The following CTNNA2 variants were observed in gnomAD, a reference collection of about 807,000 sequenced individuals.
The protein encoded by CTNNA2 is catenin alpha-2.
A neutral mutation model predicts 101.0 loss-of-function variants in CTNNA2; 42 were observed. The ratio of observed to expected loss-of-function variants is 0.42; its 90% confidence interval spans 0.32 to 0.54. CTNNA2 has a LOEUF of 0.54. CTNNA2 is among the 20% of genes least tolerant of loss of function. The pLI is 0.14. For missense variants in CTNNA2, 871 were observed against 1,223.1 expected, an observed-to-expected ratio of 0.71 and a Z score of 4.29; for synonymous variants, 450 against 456.4, an observed-to-expected ratio of 0.99 and a Z score of 0.18.
intron 4 of CTNNA2, among the ~76,000 whole-genome samples, chr2:79,398,299 G>T (rs1280382492): frequency 6.6e-6 from 1 of 151,998 alleles, no homozygotes; most frequent in African/African-American, 2.4e-5. Context: ...AATAACCTTT[G>T]ACTCCCAACA....
intron 4 of CTNNA2, among the ~76,000 whole-genome samples, chr2:79,471,870 G>T (rs2250249): frequency 6.6e-6 from 1 of 151,606 alleles, no homozygotes; most frequent in African/African-American, 2.4e-5. Context: ...TAACATATCA[G>T]TTGTGGGGAG....
intron 4 of CTNNA2, among the ~76,000 whole-genome samples, chr2:79,374,490 G>A (rs1362849002): frequency 6.9e-6 from 1 of 145,050 alleles, no homozygotes; most frequent in Admixed American, 7.1e-5. Flanking sequence ...AGTTTCCTGG[G>A]AATAAGCATC....
intron 3 of CTNNA2, among the ~76,000 whole-genome samples, chr2:79,819,569 A>G (rs183532256): frequency 3.3e-5 from 5 of 152,356 alleles, no homozygotes; most frequent in Non-Finnish European, 7.3e-5. Context: ...TAAGAATATA[A>G]GACTATAAGA....
chr2:79,541,340 TATATAC>T lies in CTNNA2; in HGVS notation c.-6+28135_-6+28140del, dbSNP rs1351369580. ...CACACAGATATCCTATATATATATA[TATATAC>T]ACACACACAATGTTTACACATATGT... is the stretch of plus-strand genomic sequence containing the variant. On this transcript the variant is annotated intron_variant, in intron 1 of 18. Transcript: ENST00000402739. 2.7e-5 allele frequency among the ~76,000 whole-genome samples: 4 copies of T among 149,992 alleles called. No homozygotes were observed. The East Asian group carries it at 5.9e-4, about 22-fold the overall frequency.
chr2:79,378,185 A>AT (rs1678000238), intron 4 of CTNNA2, among the ~76,000 whole-genome samples: 2 of 152,182 alleles, frequency 1.3e-5, no homozygotes, highest in South Asian at 4.1e-4. Context: ...CAAAATAGAC[A>AT]TAAAAAGTTC....
At chr2:80,103,263 C>T (rs1206051026) in intron 7 of CTNNA2, among the ~76,000 whole-genome samples, 2 of 152,108 alleles carry the variant, frequency 1.3e-5, no homozygotes, top group Non-Finnish European at 2.9e-5. Flanking sequence ...CTGGTGACAG[C>T]TTTCTTCTGG....
chr2:79,484,953 C>A (rs1291765183), intron 4 of CTNNA2, among the ~76,000 whole-genome samples: 1 of 152,148 alleles, frequency 6.6e-6, no homozygotes, highest in African/African-American at 2.4e-5. Context: ...GATTCTAAAA[C>A]CTTTACCAGC....
intron 9 of CTNNA2, among the ~76,000 whole-genome samples, chr2:80,515,008 C>T (rs1323027168): frequency 6.6e-6 from 1 of 152,108 alleles, no homozygotes; most frequent in African/African-American, 2.4e-5. Flanking sequence ...CTGCCTTCTT[C>T]CTCTATGAAG....
At position 79,417,763 on chromosome 2, in the gene CTNNA2, G is replaced by A. The variant is rs570983651; in HGVS notation, c.-135+43750G>A. On this transcript the variant is annotated intron_variant, in intron 4 of 21. Coordinates refer to the CTNNA2 transcript ENST00000466387. ...TTCTTTAAGAATAAAGGTGCCTTGC[G>A]GTTAGGAACTGGATGTTGTATGTGT... Among the ~76,000 whole-genome samples, 238 of 152,040 alleles carry A rather than the reference G, an allele frequency of 1.6e-3. 1 individual carries two copies. Among genetic ancestry groups the A allele is most frequent in the Non-Finnish European group, 2.5e-3 (173 of 68,008 alleles).
At chr2:80,557,868 A>G (rs1693181626) in intron 12 of CTNNA2, among the ~76,000 whole-genome samples, 1 of 152,208 alleles carries the variant, frequency 6.6e-6, no homozygotes, top group Admixed American at 6.5e-5. Context: ...AAAAAAACAA[A>G]TAGTCGTTCA....
intron 7 of CTNNA2, among the ~76,000 whole-genome samples, chr2:80,294,321 A>T (rs1483877163): frequency 6.6e-6 from 1 of 152,168 alleles, no homozygotes; most frequent in Non-Finnish European, 1.5e-5. Context: ...GAGTGCTCAG[A>T]GACTAATTCT....
chr2:79,802,556 G>C (rs1676247169), intron 3 of CTNNA2, among the ~76,000 whole-genome samples: 1 of 152,102 alleles, frequency 6.6e-6, no homozygotes, highest in Admixed American at 6.5e-5. Flanking sequence ...ATATGCGGCT[G>C]GATTACGGGC....
chr2:80,205,492 T>A (rs1321112081), intron 7 of CTNNA2, among the ~76,000 whole-genome samples: 1 of 152,192 alleles, frequency 6.6e-6, no homozygotes, highest in African/African-American at 2.4e-5. Context: ...GGAAATTCAT[T>A]TCAGAAGGTA....
chr2:79,721,143 A>G (rs1329583501), intron 2 of CTNNA2, among the ~76,000 whole-genome samples: 5 of 151,542 alleles, frequency 3.3e-5, no homozygotes, highest in African/African-American at 1.2e-4. Context: ...GCAGTTTGGT[A>G]TTTTTTGTAT....
chr2:80,212,235 C>T (rs570560661), intron 7 of CTNNA2, among the ~76,000 whole-genome samples: 11 of 152,232 alleles, frequency 7.2e-5, no homozygotes, highest in African/African-American at 2.6e-4. Flanking sequence ...ATTGCCCTGG[C>T]CAGAACTTCC....
intron 7 of CTNNA2, among the ~76,000 whole-genome samples, chr2:79,966,675 G>A (rs528099511): frequency 2.6e-4 from 39 of 152,302 alleles, no homozygotes; most frequent in African/African-American, 9.1e-4. Flanking sequence ...CAGAATGATT[G>A]TTGTCCTCGC....
At chr2:79,585,266 C>T (rs2103935739) in intron 1 of CTNNA2, among the ~76,000 whole-genome samples, 1 of 151,718 alleles carries the variant, frequency 6.6e-6, no homozygotes, top group African/African-American at 2.4e-5. Flanking sequence ...AATTGTTTTT[C>T]TTGGTTATTC....
At chr2:80,122,637 T>C (rs189229490) in intron 7 of CTNNA2, among the ~76,000 whole-genome samples, 129 of 152,322 alleles carry the variant, frequency 8.5e-4, no homozygotes, top group Non-Finnish European at 1.4e-3. Context: ...GGCAGAGGGC[T>C]GTGGATACAG....
chr2:79,692,953 C>T (rs1684413333), intron 2 of CTNNA2, among the ~76,000 whole-genome samples: 1 of 151,772 alleles, frequency 6.6e-6, no homozygotes, highest in South Asian at 2.1e-4. Context: ...AGCAAACCAC[C>T]ATGACACGTG....
Sources: allele counts gnomAD v4.1 joint callset (sites outside exome capture counted in the v4.1 genomes callset), GRCh38; gene constraint gnomAD v4.1.1; transcripts MANE v1.5; gene names NCBI Gene and HGNC (gene_info 2026-07-23, HGNC 2026-07-21).